The following ZSWIM5 variants were observed in gnomAD, a reference collection of about 807,000 sequenced individuals.
ZSWIM5 encodes zinc finger SWIM-type containing 5.
Under a neutral mutation model 119.6 loss-of-function variants are expected in ZSWIM5, and 55 were observed. That is an observed-to-expected ratio of 0.46 (90% CI 0.37 to 0.58). The LOEUF is 0.58. ZSWIM5 is among the 20% of genes least tolerant of loss of function. The pLI, the probability that ZSWIM5 is intolerant of heterozygous loss-of-function variation, is 0.00. For missense variants in ZSWIM5, 1,193 were observed against 1,512.8 expected (o/e 0.79, Z 3.51); for synonymous variants, 537 against 606.9 (o/e 0.88, Z 1.69).
chr1:45,098,669 G>A (rs925590235), intron 1 of ZSWIM5, among the ~76,000 whole-genome samples: 10 of 152,166 alleles, frequency 6.6e-5, no homozygotes, highest in East Asian at 1.9e-4. Context: ...CTCAGCAAAT[G>A]TAAAAGAACA....
chr1:45,030,804 T>TTC, intron 11 of ZSWIM5, among the ~76,000 whole-genome samples: 1 of 149,592 alleles, frequency 6.7e-6, no homozygotes, highest in East Asian at 2.0e-4. Flanking sequence ...CTTTCTTTTT[T>TTC]TTTTTTTTTT....
At chr1:45,125,048 A>C (rs929684904) in intron 1 of ZSWIM5, among the ~76,000 whole-genome samples, 1 of 146,124 alleles carries the variant, frequency 6.8e-6, no homozygotes, top group African/African-American at 2.8e-5. Flanking sequence ...ACAAGGAATA[A>C]ATATATAGAA....
chr1:45,198,336 C>T (rs1557796968), intron 1 of ZSWIM5, among the ~76,000 whole-genome samples: 1 of 152,164 alleles, frequency 6.6e-6, no homozygotes, highest in Non-Finnish European at 1.5e-5. Context: ...GAAGACAAAG[C>T]ACAATCAAAG....
Position 45,109,478 on chromosome 1 carries a change from G to T in ZSWIM5, c.596-21241C>A, listed in dbSNP as rs147076053. Among the ~76,000 whole-genome samples, 786 of 152,252 alleles carry T rather than the reference G, an allele frequency of 5.2e-3. 9 individuals are homozygous for T. Among genetic ancestry groups the T allele is most frequent in the African/African-American group, 0.018 (746 of 41,538 alleles). On this transcript the variant is annotated intron_variant, in intron 1 of 13. Transcript: ENST00000359600. ...AGGTTATTCCTGGCTAGACGCGGTG[G>T]CTCACGCCTGTAATCACAGCACTTT...
chr1:45,118,575 T>C (rs1241180149), intron 1 of ZSWIM5, among the ~76,000 whole-genome samples: 3 of 151,772 alleles, frequency 2.0e-5, no homozygotes, highest in African/African-American at 7.3e-5. Context: ...ACCCCATCTC[T>C]ACAAAAAATA....
chr1:45,164,835 C>T (rs190831335), intron 1 of ZSWIM5, among the ~76,000 whole-genome samples: 142 of 152,150 alleles, frequency 9.3e-4, no homozygotes, highest in Admixed American at 7.9e-4. Flanking sequence ...TAGAGACCTA[C>T]GAAGAGACTT....
At chr1:45,183,583 C>T (rs976253478) in intron 1 of ZSWIM5, among the ~76,000 whole-genome samples, 10 of 152,206 alleles carry the variant, frequency 6.6e-5, no homozygotes, top group Admixed American at 1.3e-4. Context: ...ACCGATCCCA[C>T]AGAAATACAA....
At chr1:45,125,429 A>C (rs577500222) in intron 1 of ZSWIM5, among the ~76,000 whole-genome samples, 1 of 152,294 alleles carries the variant, frequency 6.6e-6, no homozygotes, top group South Asian at 2.1e-4. Flanking sequence ...AAATTTGTGG[A>C]ATGCAGGTAG....
At chr1:45,168,493 A>T (rs535731630) in intron 1 of ZSWIM5, among the ~76,000 whole-genome samples, 154 of 147,810 alleles carry the variant, frequency 1.0e-3, no homozygotes, top group East Asian at 2.5e-3. Flanking sequence ...ATATATATAT[A>T]TTTTTTTTAA....
chr1:45,118,358 A>G lies in ZSWIM5; in HGVS notation c.596-30121T>C, dbSNP rs531542522. ...TAACAGTAATTTTTAGATGATGCAG[A>G]GAGCCACAAAAGTGAGGAATACTTT... is the stretch of plus-strand genomic sequence containing the variant. On this transcript the variant is annotated intron_variant, in intron 1 of 13. Coordinates refer to ENST00000359600, the MANE Select transcript of ZSWIM5 (RefSeq NM_020883.2). Among the ~76,000 whole-genome samples, 3 of 152,380 alleles carry G rather than the reference A, an allele frequency of 2.0e-5. No individual in the cohort carries two copies. In the South Asian group the frequency reaches 6.2e-4, roughly 32 times the overall value.
At chr1:45,047,123 G>A (rs1335721929) in intron 5 of ZSWIM5, among the ~76,000 whole-genome samples, 1 of 151,758 alleles carries the variant, frequency 6.6e-6, no homozygotes, top group Non-Finnish European at 1.5e-5. Context: ...AAGACACTTC[G>A]AAGGAACGGT....
chr1:45,070,935 T>G (rs1487238206), intron 2 of ZSWIM5, among the ~76,000 whole-genome samples: 1 of 152,204 alleles, frequency 6.6e-6, no homozygotes, highest in Non-Finnish European at 1.5e-5. Flanking sequence ...ACCTGACTTC[T>G]CAAGTTATCT....
At chr1:45,021,324 C>T (rs903404256) in intron 11 of ZSWIM5, among the ~76,000 whole-genome samples, 8 of 152,194 alleles carry the variant, frequency 5.3e-5, no homozygotes, top group African/African-American at 1.9e-4. Context: ...AAATAATTTT[C>T]TTGAACACCT....
intron 1 of ZSWIM5, among the ~76,000 whole-genome samples, chr1:45,108,853 A>G (rs1328348901): frequency 6.6e-6 from 1 of 152,228 alleles, no homozygotes; most frequent in Non-Finnish European, 1.5e-5. Flanking sequence ...AAATTCTCAT[A>G]GTAATCAAAA....
chr1:45,050,988 G>T (rs926382247), intron 5 of ZSWIM5, 86 bp downstream of exon 5: 2 of 1,313,102 alleles, frequency 1.5e-6, no homozygotes, highest in Non-Finnish European at 2.1e-6. Flanking sequence ...CAGCTAAAAG[G>T]CTATCCAGCT....
chr1:45,149,266 A>C (rs933823813), intron 1 of ZSWIM5, among the ~76,000 whole-genome samples: 1 of 152,210 alleles, frequency 6.6e-6, no homozygotes, highest in Admixed American at 6.5e-5. Flanking sequence ...CTTGTCTCTA[A>C]AACTAAAAGA....
intron 2 of ZSWIM5, among the ~76,000 whole-genome samples, chr1:45,085,498 T>C (rs1228075311): frequency 6.6e-6 from 1 of 151,828 alleles, no homozygotes; most frequent in Non-Finnish European, 1.5e-5. Flanking sequence ...CCCTTTTAAA[T>C]ATAAGTTCTA....
At chr1:45,160,825 T>TTC (rs1645859262) in intron 1 of ZSWIM5, among the ~76,000 whole-genome samples, 2 of 147,754 alleles carry the variant, frequency 1.4e-5, no homozygotes, top group Admixed American at 6.7e-5. Context: ...CTGGGTAATT[T>TTC]TTTTTTTTTT....
intron 1 of ZSWIM5, among the ~76,000 whole-genome samples, chr1:45,090,563 C>T (rs894771268): frequency 6.6e-6 from 1 of 151,858 alleles, no homozygotes. Flanking sequence ...CCAGCCTCAG[C>T]AACATAGCAA....
Sources: gnomAD v4.1 joint callset for allele counts (sites outside exome capture counted in the v4.1 genomes callset) on GRCh38, gnomAD v4.1.1 for gene constraint, MANE v1.5 for transcripts, NCBI Gene and HGNC (gene_info 2026-07-23, HGNC 2026-07-21) for gene names.